The following NIM1K variants were observed in gnomAD, a reference collection of about 807,000 sequenced individuals.
NIM1K encodes serine/threonine-protein kinase NIM1.
In NIM1K, 35 loss-of-function variants were observed where a neutral mutation model predicts 37.1. The ratio of observed to expected loss-of-function variants is 0.94; its 90% CI spans 0.72 to 1.25. The LOEUF (loss-of-function observed/expected upper bound fraction) is 1.25. Ranked by LOEUF, NIM1K falls within the 50% of genes most tolerant of loss-of-function variation. The pLI is 0.00. For missense variants in NIM1K, 564 were observed against 548.0 expected (o/e 1.03, Z -0.29); for synonymous variants, 234 against 206.6 (o/e 1.13, Z -1.14).
At chr5:43,233,273 T>A (rs763561906) in intron 1 of NIM1K, 8 of 502,438 alleles carry the variant, frequency 1.6e-5, no homozygotes, top group Non-Finnish European at 2.7e-5. Flanking sequence ...AGAACCTGCC[T>A]ATTATTTTCT....
chr5:43,221,049 A>G (rs1752373852), intron 1 of NIM1K, among the ~76,000 whole-genome samples: 1 of 152,166 alleles, frequency 6.6e-6, no homozygotes, highest in Non-Finnish European at 1.5e-5. Context: ...TGATCTCCAT[A>G]TAGACATTAA....
At chr5:43,273,101 G>C (rs915861349) in intron 2 of NIM1K, among the ~76,000 whole-genome samples, 1 of 152,050 alleles carries the variant, frequency 6.6e-6, no homozygotes, top group African/African-American at 2.4e-5. Flanking sequence ...GCACCACATA[G>C]AGCACCCTTT....
At position 43,269,234 on chromosome 5, in the gene NIM1K, C is replaced by T. The variant is rs149043819; in HGVS notation, c.293-7823C>T. Among the ~76,000 whole-genome samples the T allele has an allele frequency of 5.5e-3, 736 of 134,060 alleles. 6 individuals carry two copies. Among genetic ancestry groups the T allele is most frequent in the African/African-American group, 0.02 (705 of 36,020 alleles). The allele number at this position is 134,060 out of a possible 152,430, so 87.9% of individuals were successfully genotyped here. A position where few individuals can be genotyped will look rare whatever the true frequency, so the allele number is the denominator to read the frequency against. On this transcript the variant is annotated intron_variant, in intron 2 of 3. Transcript: ENST00000326035. ...CTGAGGCAGGAGAATTGCTTGTACC[C>T]GGGAGGCAGAGGTTGCAGTGAGCCA... is the stretch of plus-strand genomic sequence containing the variant.
intron 2 of NIM1K, among the ~76,000 whole-genome samples, chr5:43,273,729 G>T (rs1753294384): frequency 6.6e-6 from 1 of 152,184 alleles, no homozygotes; most frequent in South Asian, 2.1e-4. Flanking sequence ...TGCCTGGGCA[G>T]CACACTTGCC....
chr5:43,253,686 G>A (rs1484762564), intron 2 of NIM1K, among the ~76,000 whole-genome samples: 2 of 150,726 alleles, frequency 1.3e-5, no homozygotes, highest in African/African-American at 4.9e-5. Context: ...TTGAGACGGA[G>A]TCTTGCCCTG....
chr5:43,194,619 C>T (rs1461425086), intron 1 of NIM1K, among the ~76,000 whole-genome samples: 2 of 152,152 alleles, frequency 1.3e-5, no homozygotes, highest in African/African-American at 2.4e-5. Context: ...AGCAGTGGTA[C>T]CATTTCAAAT....
chr5:43,200,359 G>C (rs1751999369), intron 1 of NIM1K, among the ~76,000 whole-genome samples: 1 of 152,094 alleles, frequency 6.6e-6, no homozygotes, highest in African/African-American at 2.4e-5. Flanking sequence ...GGAGTGCAGT[G>C]ACGCGATCTC....
At chr5:43,193,279 T>C (rs185790012) in intron 1 of NIM1K, 1 of 151,944 alleles carries the variant, frequency 6.6e-6, no homozygotes, top group Admixed American at 6.6e-5. Context: ...TTCTGTTTTT[T>C]CCTTCCCTCC....
intron 2 of NIM1K, among the ~76,000 whole-genome samples, chr5:43,272,031 C>T (rs1230398562): frequency 1.3e-5 from 2 of 152,140 alleles, no homozygotes; most frequent in East Asian, 1.9e-4. Flanking sequence ...TGGTATTCCA[C>T]GTATGAAGGT....
intron 1 of NIM1K, among the ~76,000 whole-genome samples, chr5:43,220,740 C>T (rs1752369564): frequency 6.6e-6 from 1 of 152,172 alleles, no homozygotes; most frequent in Admixed American, 6.5e-5. Context: ...TTTGCAGCTC[C>T]ATTTCCTCTT....
intron 1 of NIM1K, among the ~76,000 whole-genome samples, chr5:43,236,775 T>C (rs1017723425): frequency 6.6e-6 from 1 of 152,206 alleles, no homozygotes; most frequent in Non-Finnish European, 1.5e-5. Flanking sequence ...GGATGCTGGG[T>C]GTGAACTGGA....
intron 2 of NIM1K, among the ~76,000 whole-genome samples, chr5:43,253,497 A>T (rs1752899315): frequency 6.6e-6 from 1 of 152,036 alleles, no homozygotes; most frequent in Non-Finnish European, 1.5e-5. Flanking sequence ...GGAAGCATGA[A>T]CCAGTGTGGG....
At chr5:43,267,734 T>A (rs1024650254) in intron 2 of NIM1K, among the ~76,000 whole-genome samples, 5 of 152,230 alleles carry the variant, frequency 3.3e-5, no homozygotes, top group African/African-American at 9.6e-5. Context: ...GCAGATTTTT[T>A]AATTTCCATG....
chr5:43,240,787 T>G (rs1579974563), intron 1 of NIM1K, among the ~76,000 whole-genome samples: 1 of 152,004 alleles, frequency 6.6e-6, no homozygotes, highest in African/African-American at 2.4e-5. Context: ...TCCACCCACC[T>G]CAGCCTCCCA....
intron 1 of NIM1K, chr5:43,231,870 T>G: frequency 8.4e-7 from 1 of 1,193,882 alleles, no homozygotes; most frequent in South Asian, 1.2e-5. Flanking sequence ...ACCAACCTCC[T>G]TATAATCCTT....
chr5:43,278,190 C>T (rs936719193), intron 3 of NIM1K, among the ~76,000 whole-genome samples: 3 of 152,010 alleles, frequency 2.0e-5, no homozygotes, highest in Non-Finnish European at 4.4e-5. Flanking sequence ...GGATTACAGG[C>T]ATGTGCCACC....
intron 2 of NIM1K, among the ~76,000 whole-genome samples, chr5:43,266,538 G>T (rs1753164544): frequency 6.6e-6 from 1 of 152,202 alleles, no homozygotes; most frequent in Non-Finnish European, 1.5e-5. Flanking sequence ...CCTTGGCTAA[G>T]AAAGGGGATT....
intron 3 of NIM1K, among the ~76,000 whole-genome samples, chr5:43,277,619 A>G (rs976835269): frequency 6.6e-6 from 1 of 151,936 alleles, no homozygotes; most frequent in African/African-American, 2.4e-5. Context: ...CTCCAACCTC[A>G]TCTTCCACTA....
chr5:43,266,935 G>C (rs1753171615), intron 2 of NIM1K, among the ~76,000 whole-genome samples: 1 of 152,120 alleles, frequency 6.6e-6, no homozygotes, highest in Non-Finnish European at 1.5e-5. Flanking sequence ...TCATTTCCTG[G>C]GTTTGACACA....
Sources: gnomAD v4.1 joint callset for allele counts (sites outside exome capture counted in the v4.1 genomes callset) on GRCh38, gnomAD v4.1.1 for gene constraint, MANE v1.5 for transcripts, NCBI Gene and HGNC (gene_info 2026-07-23, HGNC 2026-07-21) for gene names.